The following PDE1C variants were observed in gnomAD, a reference collection of about 807,000 sequenced individuals.
PDE1C encodes phosphodiesterase 1C.
Under a neutral mutation model 93.1 loss-of-function variants are expected in PDE1C, and 62 were observed. The observed-to-expected ratio is 0.67, with a 90% CI of 0.54 to 0.82. The LOEUF is 0.82. PDE1C is among the 40% of genes least tolerant of loss of function. PDE1C has a pLI of 0.00. For missense variants in PDE1C, 742 were observed against 884.6 expected (o/e 0.84, Z 2.04); for synonymous variants, 325 against 310.1 (o/e 1.05, Z -0.50).
intron 2 of PDE1C, among the ~76,000 whole-genome samples, chr7:32,197,950 T>C (rs1482794732): frequency 6.6e-6 from 1 of 152,226 alleles, no homozygotes; most frequent in Admixed American, 6.5e-5. Context: ...GTAAGCTTTA[T>C]AATATGTGAA....
intron 2 of PDE1C, among the ~76,000 whole-genome samples, chr7:31,924,576 A>AT: frequency 1.2e-5 from 1 of 86,694 alleles, no homozygotes; most frequent in Non-Finnish European, 2.7e-5. Context: ...AGCTACAGGC[A>AT]CCTCGAAAGA....
chr7:32,328,122 C>A (rs868483707), intron 1 of PDE1C, among the ~76,000 whole-genome samples: 1 of 152,110 alleles, frequency 6.6e-6, no homozygotes, highest in African/African-American at 2.4e-5. Context: ...TAGATCCTAC[C>A]AAACAGTTTT....
chr7:31,838,761 A>G (rs1791438679), intron 9 of PDE1C, among the ~76,000 whole-genome samples: 1 of 152,086 alleles, frequency 6.6e-6, no homozygotes, highest in Non-Finnish European at 1.5e-5. Context: ...TATAATTTAC[A>G]TAGAATAAAC....
intron 5 of PDE1C, among the ~76,000 whole-genome samples, chr7:31,877,686 T>C (rs1796761480): frequency 6.8e-6 from 1 of 147,834 alleles, no homozygotes; most frequent in Non-Finnish European, 1.5e-5. Flanking sequence ...TATGGCAAAA[T>C]CAGATAACTC....
the PDE1C span, chr7:31,651,948 C>G: frequency 6.3e-7 from 1 of 1,593,534 alleles, no homozygotes; most frequent in Non-Finnish European, 8.5e-7. Flanking sequence ...GGGAGGAGGC[C>G]GAGCAACTGC....
chr7:32,416,520 T>C (rs1296515878), intron 1 of PDE1C, among the ~76,000 whole-genome samples: 1 of 152,212 alleles, frequency 6.6e-6, no homozygotes, highest in Non-Finnish European at 1.5e-5. Context: ...CATGGTGGTT[T>C]TAATGTGGCC....
chr7:31,745,707 G>C, the PDE1C span, among the ~76,000 whole-genome samples: 8 of 152,296 alleles, frequency 5.3e-5, no homozygotes, highest in African/African-American at 1.9e-4. Flanking sequence ...ACCTGGCTCA[G>C]TCAACAAGCA....
At chr7:31,967,253 C>G (rs146160405) in intron 2 of PDE1C, among the ~76,000 whole-genome samples, 1 of 151,918 alleles carries the variant, frequency 6.6e-6, no homozygotes, top group Admixed American at 6.6e-5. Flanking sequence ...ATCAAACAGA[C>G]GCAATAAAAA....
At position 32,028,091 on chromosome 7, in the gene PDE1C, C is replaced by A. The variant is rs537788253; in HGVS notation, c.128+23463G>T. 2.6e-5 allele frequency among the ~76,000 whole-genome samples: 4 copies of A among 152,210 alleles called. No homozygotes were observed. In the South Asian group the frequency reaches 8.3e-4, roughly 32 times the overall value. On this transcript the variant is annotated intron_variant, in intron 2 of 17. Coordinates refer to ENST00000396191, the MANE Select transcript of PDE1C (RefSeq NM_001191057.4). ...TCCAACAGCAAGACACCCTGAATTG[C>A]AGACATAATTTAAAATTTTCTAAGT...
chr7:31,918,732 T>G (rs1036629717), intron 2 of PDE1C, among the ~76,000 whole-genome samples: 1 of 152,254 alleles, frequency 6.6e-6, no homozygotes, highest in African/African-American at 2.4e-5. Flanking sequence ...TCTGCTTCCC[T>G]TTTGTTCTTG....
chr7:32,158,288 G>A lies in PDE1C; in HGVS notation c.308+11497C>T, dbSNP rs183181673. 2.7e-3 allele frequency among the ~76,000 whole-genome samples: 413 copies of A among 152,214 alleles called. 3 individuals are homozygous for A. The highest frequency in any genetic ancestry group is 9.5e-3 in the African/African-American group (394 of 41,514). On this transcript the variant is annotated intron_variant, in intron 3 of 18. Transcript: ENST00000396193. ...CTCAAGTACTTGAGCCTCGTTGCCCGAGCCAGAGTTATTTCCCCTTCTAAA... is the reference window on the plus strand; with the variant it reads ...CTCAAGTACTTGAGCCTCGTTGCCCAAGCCAGAGTTATTTCCCCTTCTAAA...
intron 3 of PDE1C, among the ~76,000 whole-genome samples, chr7:32,082,357 G>C (rs1267144625): frequency 6.6e-5 from 10 of 152,086 alleles, no homozygotes; most frequent in African/African-American, 2.2e-4. Context: ...CAAAGCAGCC[G>C]GGAAGCTCGA....
intron 2 of PDE1C, among the ~76,000 whole-genome samples, chr7:31,986,504 C>T (rs1180220867): frequency 6.6e-6 from 1 of 152,062 alleles, no homozygotes; most frequent in Non-Finnish European, 1.5e-5. Context: ...TATTTGGAAG[C>T]TGGATTTTTG....
intron 1 of PDE1C, among the ~76,000 whole-genome samples, chr7:32,268,644 G>A (rs753344447): frequency 6.6e-6 from 1 of 151,948 alleles, no homozygotes; most frequent in Non-Finnish European, 1.5e-5. Context: ...AATTGCCTAC[G>A]GTGAAATTCA....
intron 2 of PDE1C, chr7:31,941,216 CAAT>C (rs1402316120): frequency 6.5e-6 from 1 of 153,676 alleles, no homozygotes; most frequent in Non-Finnish European, 1.5e-5. Flanking sequence ...ACACCAAAGA[CAAT>C]AATGGTGAGC....
chr7:31,946,645 C>G (rs1361848325), intron 2 of PDE1C, among the ~76,000 whole-genome samples: 5 of 152,208 alleles, frequency 3.3e-5, no homozygotes, highest in African/African-American at 1.2e-4. Flanking sequence ...CATATCCTCA[C>G]CACCTGCTTC....
chr7:32,028,923 A>G (rs1159061795), intron 2 of PDE1C, among the ~76,000 whole-genome samples: 1 of 152,126 alleles, frequency 6.6e-6, no homozygotes, highest in Non-Finnish European at 1.5e-5. Flanking sequence ...TTCCACATCT[A>G]AGTGGAAACA....
intron 1 of PDE1C, among the ~76,000 whole-genome samples, chr7:32,243,439 C>A (rs898937369): frequency 6.6e-6 from 1 of 152,156 alleles, no homozygotes; most frequent in Non-Finnish European, 1.5e-5. Context: ...TGAAAATTAT[C>A]TGTGGTTTTC....
intron 3 of PDE1C, among the ~76,000 whole-genome samples, chr7:32,106,402 A>G (rs957763701): frequency 2.0e-5 from 3 of 152,116 alleles, no homozygotes; most frequent in Non-Finnish European, 4.4e-5. Flanking sequence ...AACGCCAGAC[A>G]TCTGACAAAA....
Sources: gnomAD v4.1 joint callset for allele counts (sites outside exome capture counted in the v4.1 genomes callset) on GRCh38, gnomAD v4.1.1 for gene constraint, MANE v1.5 for transcripts, NCBI Gene and HGNC (gene_info 2026-07-23, HGNC 2026-07-21) for gene names.